Variants in MAGI1 observed in about 807,000 individuals in gnomAD.
MAGI1 encodes membrane associated guanylate kinase, WW and PDZ domain containing 1, also known as membrane-associated guanylate kinase, WW and PDZ domain-containing protein 1.
A neutral mutation model predicts 139.9 loss-of-function variants in MAGI1; 58 were observed. The observed-to-expected ratio is 0.41, with a 90% CI of 0.34 to 0.52. The LOEUF (loss-of-function observed/expected upper bound fraction) is 0.52. Ranked by LOEUF, MAGI1 falls within the 20% of genes least tolerant of loss-of-function variation. The pLI, the probability that MAGI1 is intolerant of heterozygous loss-of-function variation, is 0.12. For missense variants in MAGI1, 1,874 were observed against 1,901.6 expected (o/e 0.99, Z 0.27); for synonymous variants, 812 against 737.9 (o/e 1.10, Z -1.63).
intron 1 of MAGI1, among the ~76,000 whole-genome samples, chr3:65,792,047 C>CATAG (rs1456107566): frequency 1.4e-4 from 21 of 151,814 alleles, no homozygotes; most frequent in Non-Finnish European, 3.1e-4. Flanking sequence ...TACATACATA[C>CATAG]ATACTTCTGA....
intron 1 of MAGI1, among the ~76,000 whole-genome samples, chr3:65,696,269 C>G (rs1037495416): frequency 2.6e-5 from 4 of 152,192 alleles, no homozygotes; most frequent in African/African-American, 9.7e-5. Context: ...CTGTCTCCAT[C>G]ACTTTCTGCC....
intron 1 of MAGI1, among the ~76,000 whole-genome samples, chr3:65,831,454 T>C (rs1393724946): frequency 1.3e-5 from 2 of 152,330 alleles, no homozygotes; most frequent in Middle Eastern, 3.4e-3. Context: ...AGCAGAAGTA[T>C]AGAGATAAAG....
chr3:65,844,663 G>T (rs2058922987), intron 1 of MAGI1, among the ~76,000 whole-genome samples: 1 of 152,052 alleles, frequency 6.6e-6, no homozygotes, highest in Admixed American at 6.6e-5. Context: ...TCAGGAACAG[G>T]GGTCCAGAGA....
Position 65,361,347 on chromosome 3 carries a change from C to A in MAGI1, c.3496-10G>T. 1 of 1,612,280 alleles carries A rather than the reference C, an allele frequency of 6.2e-7. No individual in the cohort carries two copies. Among genetic ancestry groups the A allele is most frequent in the Non-Finnish European group, 8.5e-7 (1 of 1,178,710 alleles). The stretch of plus-strand genomic sequence containing the variant: ...AAATTTCATCACCAATCTGCCAAAG[C>A]AAAAGAAAACTAAGTGAGATTTGAA... On this transcript the variant is annotated splice_polypyrimidine_tract_variant and intron_variant, in intron 21 of 22. Transcript: ENST00000402939.
chr3:65,500,894 T>A (rs2077055296), intron 2 of MAGI1, among the ~76,000 whole-genome samples: 1 of 152,186 alleles, frequency 6.6e-6, no homozygotes, highest in Non-Finnish European at 1.5e-5. Context: ...TAAGAACAGA[T>A]CATCATTTTC....
At chr3:65,658,938 CCA>C (rs1282321424) in intron 1 of MAGI1, among the ~76,000 whole-genome samples, 1 of 152,130 alleles carries the variant, frequency 6.6e-6, no homozygotes, top group Non-Finnish European at 1.5e-5. Flanking sequence ...GAACTTATAT[CCA>C]CACCTTCTTT....
intron 14 of MAGI1, among the ~76,000 whole-genome samples, chr3:65,388,789 T>A (rs1943654552): frequency 6.6e-6 from 1 of 151,666 alleles, no homozygotes; most frequent in African/African-American, 2.4e-5. Flanking sequence ...ATCCGATTCC[T>A]TAGATGTTAA....
intron 1 of MAGI1, among the ~76,000 whole-genome samples, chr3:65,807,961 A>C (rs2040975227): frequency 6.6e-6 from 1 of 151,902 alleles, no homozygotes; most frequent in Non-Finnish European, 1.5e-5. Flanking sequence ...TCACGCCTGT[A>C]ATCCAGCACT....
intron 2 of MAGI1, among the ~76,000 whole-genome samples, chr3:65,604,750 T>G (rs947575885): frequency 6.6e-6 from 1 of 151,866 alleles, no homozygotes; most frequent in Non-Finnish European, 1.5e-5. Context: ...AAAAAAACTA[T>G]TGACAAGTCT....
At chr3:65,579,044 C>T (rs62253368) in intron 2 of MAGI1, among the ~76,000 whole-genome samples, 60,071 of 151,630 alleles carry the variant, frequency 0.4, 12,940 homozygotes, top group East Asian at 0.64. Context: ...TAATACAAAA[C>T]ATAGACTTGG....
At chr3:65,432,384 T>C (rs1205867695) in intron 10 of MAGI1, among the ~76,000 whole-genome samples, 1 of 152,186 alleles carries the variant, frequency 6.6e-6, no homozygotes, top group African/African-American at 2.4e-5. Context: ...ACTAGGAGCC[T>C]GGCACCTAGG....
intron 12 of MAGI1, among the ~76,000 whole-genome samples, chr3:65,402,112 T>C (rs73127503): frequency 6.6e-6 from 1 of 152,176 alleles, no homozygotes; most frequent in Non-Finnish European, 1.5e-5. Flanking sequence ...AGCACATGTC[T>C]GTCTCAACGT....
intron 1 of MAGI1, among the ~76,000 whole-genome samples, chr3:65,733,431 G>T (rs1210108402): frequency 6.6e-6 from 1 of 152,152 alleles, no homozygotes; most frequent in African/African-American, 2.4e-5. Flanking sequence ...TAGAATGTTT[G>T]ACCTCAAAAC....
intron 1 of MAGI1, among the ~76,000 whole-genome samples, chr3:65,883,112 G>A (rs1337828800): frequency 2.6e-5 from 4 of 151,956 alleles, no homozygotes; most frequent in South Asian, 4.2e-4. Context: ...CAGTCATTTC[G>A]TGGCTCAAGC....
chr3:65,886,459 C>A (rs1184604025), intron 1 of MAGI1, among the ~76,000 whole-genome samples: 1 of 152,126 alleles, frequency 6.6e-6, no homozygotes, highest in Non-Finnish European at 1.5e-5. Flanking sequence ...ATACATTCTC[C>A]CCTTCCTCCA....
At chr3:65,725,228 A>C (rs2033474076) in intron 1 of MAGI1, among the ~76,000 whole-genome samples, 1 of 152,298 alleles carries the variant, frequency 6.6e-6, no homozygotes, top group Middle Eastern at 3.4e-3. Context: ...TGGACTCTGG[A>C]ACAATAATGT....
chr3:65,790,272 A>C (rs1355807843), intron 1 of MAGI1, among the ~76,000 whole-genome samples: 1 of 152,200 alleles, frequency 6.6e-6, no homozygotes, highest in Non-Finnish European at 1.5e-5. Context: ...ATAAAAGATA[A>C]AACGATTTGT....
chr3:65,591,053 G>A (rs527697879), intron 2 of MAGI1, among the ~76,000 whole-genome samples: 86 of 152,202 alleles, frequency 5.7e-4, no homozygotes, highest in African/African-American at 2.0e-3. Context: ...ACAAAGCTAC[G>A]TGTGCAAGGA....
intron 5 of MAGI1, among the ~76,000 whole-genome samples, chr3:65,466,240 T>C (rs1336661829): frequency 6.6e-5 from 10 of 152,228 alleles, no homozygotes; most frequent in Non-Finnish European, 1.3e-4. Flanking sequence ...GCTGTGTTAG[T>C]ATCTACTCAT....
Sources: gnomAD v4.1 joint callset for allele counts (sites outside exome capture counted in the v4.1 genomes callset) on GRCh38, gnomAD v4.1.1 for gene constraint, MANE v1.5 for transcripts, NCBI Gene and HGNC (gene_info 2026-07-23, HGNC 2026-07-21) for gene names.